The following RRP9 variants were observed in gnomAD, a reference collection of about 807,000 sequenced individuals.
RRP9 encodes the protein ribosomal RNA processing 9, U3 small nucleolar RNA binding protein.
In RRP9, 35 loss-of-function variants were observed where a neutral mutation model predicts 65.5. The observed-to-expected ratio is 0.53, with a 90% CI of 0.41 to 0.71. The LOEUF is 0.71. RRP9 is among the 30% of genes least tolerant of loss of function. RRP9 has a pLI of 0.00. For missense variants in RRP9, 533 were observed against 633.6 expected (o/e 0.84, Z 1.70); for synonymous variants, 254 against 245.0 (o/e 1.04, Z -0.34).
chr3:51,937,063 AGG>A lies in RRP9; in HGVS notation c.517+127_517+128del. On this transcript the variant is annotated intron_variant, in intron 6 of 14. Coordinates refer to ENST00000232888, the MANE Select transcript of RRP9 (RefSeq NM_004704.5). The surrounding 1 kb of genome is among the most constrained non-coding windows in gnomAD (Gnocchi z 5.0). ...TCACTGTCACCCAGAGAGCACTCCT[AGG>A]GCAGCAAACCTGCCTCCAGAGACTT... 8.5e-7 allele frequency: 1 copy of A among 1,176,382 alleles called. No homozygotes were observed. The highest frequency in any genetic ancestry group is 1.2e-6 in the Non-Finnish European group (1 of 820,252). 72.9% of individuals were successfully genotyped at this position (1,176,382 alleles called of 1,614,324 possible). A position where few individuals can be genotyped will look rare whatever the true frequency, so the allele number is the denominator to read the frequency against.
At position 51,937,429 on chromosome 3, in the gene RRP9, C is replaced by A. The variant is rs1431747774; in HGVS notation, c.391-111G>T. The A allele has an allele frequency of 1.2e-6, 2 of 1,605,608 alleles. No individual in the cohort carries two copies. The highest frequency in any genetic ancestry group is 8.5e-7 in the Non-Finnish European group (1 of 1,173,436). ...CACCCAGGCCAGAAGGAAAACAAGA[C>A]CCAAGGCTACAACAACCAGATCCTT... On this transcript the variant is annotated intron_variant, in intron 5 of 14. Transcript: ENST00000232888. The surrounding 1 kb of genome is among the most constrained non-coding windows in gnomAD (Gnocchi z 5.0).
At position 51,937,204 on chromosome 3, in the gene RRP9, T is replaced by C. The variant is rs1699468539; in HGVS notation, c.505A>G (p.Ser169Gly). 1.9e-6 allele frequency: 3 copies of C among 1,613,440 alleles called. No individual in the cohort carries two copies. The highest frequency in any genetic ancestry group is 2.2e-5 in the South Asian group (2 of 91,052). Reference sequence around the variant, plus strand: ...GGCACTCACTCACACTTAATGATGCTGCAGTCTTTGGCAGCAGAGAAGATG... The same window carrying C: ...GGCACTCACTCACACTTAATGATGCCGCAGTCTTTGGCAGCAGAGAAGATG... ...SAIFSAAKDC[S>G]IIKWSVESGR... Residue 169 changes from serine to glycine, a missense_variant, in exon 6 of 15, where the codon AGC (serine) becomes GGC (glycine). Ser to Gly is a moderately conservative substitution (Grantham distance 56). This residue lies in a region of RRP9 where 449 missense variants were observed against 550.6 expected (regional missense o/e 0.82). Transcript: ENST00000232888. This position sits in a 1 kb window ranked among gnomAD's most constrained non-coding sequence, Gnocchi z 5.0.
intron 2 of RRP9, 124 bp from the exon 3 acceptor site, chr3:51,938,328 G>T: frequency 1.4e-6 from 1 of 698,102 alleles, no homozygotes; most frequent in South Asian, 1.7e-5. Flanking sequence ...CACATGGTCG[G>T]TGACTACACT....
At chr3:51,935,320 C>T in intron 10 of RRP9, 22 bp downstream of exon 10, 1 of 1,614,150 alleles carries the variant, frequency 6.2e-7, no homozygotes, top group Non-Finnish European at 8.5e-7. Flanking sequence ...GTAGCCCCCA[C>T]TGGCATGGCA....
In RRP9 at chr3:51,935,448, G is replaced by A; in HGVS notation, c.865C>T (p.Leu289=). The stretch of plus-strand genomic sequence containing the variant: ...CAGCACTCCCGGCTCAAGGCATCCA[G>A]TGCAGCCACAGCGTCCTGGTGTCCG... ...LFGHQDAVAA[L]DALSRECCVT... Residue 289 remains leucine, a synonymous_variant, in exon 10 of 15, where the codon CTG becomes TTG. Transcript: ENST00000232888. 6.2e-7 allele frequency: 1 copy of A among 1,614,184 alleles called. No homozygotes were observed. Among genetic ancestry groups the A allele is most frequent in the East Asian group, 2.2e-5 (1 of 44,874 alleles).
chr3:51,940,983 A>G (rs1699516066), intron 2 of RRP9, among the ~76,000 whole-genome samples: 1 of 152,046 alleles, frequency 6.6e-6, no homozygotes, highest in Admixed American at 6.6e-5. Flanking sequence ...TACACACCTC[A>G]CTACAACACA....
In RRP9 at chr3:51,934,599, G is replaced by C; in HGVS notation, c.1180+32C>G. ...CAACCCCTGCACCGGCCCACCCGGC[G>C]ACCCCTCCTCCCTGCCTCTCAGGGC... On this transcript the variant is annotated intron_variant, in intron 12 of 14. Coordinates refer to ENST00000232888, the MANE Select transcript of RRP9 (RefSeq NM_004704.5). The surrounding 1 kb of genome is among the most constrained non-coding windows in gnomAD (Gnocchi z 4.1). 3 of 1,613,656 alleles carry C rather than the reference G, an allele frequency of 1.9e-6. No individual in the cohort carries two copies. The South Asian group carries it at 3.3e-5, about 18-fold the overall frequency.
intron 8 of RRP9, among the ~76,000 whole-genome samples, chr3:51,936,045 C>T (rs1224545866): frequency 6.6e-6 from 1 of 152,140 alleles, no homozygotes; most frequent in African/African-American, 2.4e-5. Context: ...CTTCTCAAGG[C>T]CCTCGTTGAT....
intron 1 of RRP9, 44 bp downstream of exon 1, chr3:51,941,737 C>T: frequency 6.7e-7 from 1 of 1,494,552 alleles, no homozygotes; most frequent in Non-Finnish European, 9.0e-7. Flanking sequence ...GACGGTTGTC[C>T]CAGTAGCAGG....
intron 2 of RRP9, 21 bp from the exon 3 acceptor site, chr3:51,938,225 G>A: frequency 6.6e-7 from 1 of 1,520,356 alleles, no homozygotes; most frequent in Middle Eastern, 1.7e-4. Flanking sequence ...GAAGGGGCTG[G>A]GTCTGAGGGG....
chr3:51,935,784 C>T, intron 8 of RRP9, 92 bp from the exon 9 acceptor site: 1 of 1,065,420 alleles, frequency 9.4e-7, no homozygotes, highest in Non-Finnish European at 1.4e-6. Flanking sequence ...AAAAGCAAGC[C>T]ATGTGGCACG....
chr3:51,935,786 T>C (rs1458857671), intron 8 of RRP9, 94 bp from the exon 9 acceptor site: 8 of 1,021,422 alleles, frequency 7.8e-6, no homozygotes, highest in Admixed American at 7.3e-5. Context: ...AAGCAAGCCA[T>C]GTGGCACGTG....
At position 51,933,460 on chromosome 3, in the gene RRP9, G is replaced by C. The variant is rs369823215; in HGVS notation, c.*46C>G. The stretch of plus-strand genomic sequence containing the variant: ...AAGAGGAGGCTTTTAATACAAAGAG[G>C]GTGGGGCATAGCCTGGGAAGGACTT... On this transcript the variant is annotated 3_prime_UTR_variant, in exon 15 of 15. Transcript: ENST00000232888. 27 of 1,497,016 alleles carry C rather than the reference G, an allele frequency of 1.8e-5. No individual in the cohort carries two copies. Among genetic ancestry groups the C allele is most frequent in the African/African-American group, 2.8e-5 (2 of 72,390 alleles). 92.7% of individuals were successfully genotyped at this position (1,497,016 alleles called of 1,614,324 possible). A position where few individuals can be genotyped will look rare whatever the true frequency, so the allele number is the denominator to read the frequency against.
At chr3:51,936,182 C>T in intron 8 of RRP9, 75 bp downstream of exon 8, 1 of 1,410,022 alleles carries the variant, frequency 7.1e-7, no homozygotes, top group South Asian at 1.2e-5. Flanking sequence ...GACAGAGACT[C>T]CAGAGGCCAG....
chr3:51,934,657 A>G lies in RRP9; in HGVS notation c.1154T>C (p.Leu385Pro), dbSNP rs1388235903. 2 of 1,613,894 alleles carry G rather than the reference A, an allele frequency of 1.2e-6. No homozygotes were observed. The highest frequency in any genetic ancestry group is 3.3e-5 in the Admixed American group (2 of 60,006). The change falls in exon 12 of 15, where the codon CTC (leucine) becomes CCC (proline). Residue 385 changes from leucine (L) to proline (P), a missense_variant. Physicochemically the swap from Leu to Pro is moderately conservative, Grantham distance 98. Transcript: ENST00000232888. This position sits in a 1 kb window ranked among gnomAD's most constrained non-coding sequence, Gnocchi z 4.1. ...TGTGGCCACAAGGTCTGTGTTGAGG[A>G]GGGCTGCCACCGACGATATCCAGAA... ...QPFWISSVAA[L>P]LNTDLVATGS...
chr3:51,935,740 CGA>C (rs756438051), intron 8 of RRP9, 48 bp from the exon 9 acceptor site: 2 of 1,503,866 alleles, frequency 1.3e-6, no homozygotes, highest in South Asian at 1.1e-5. Flanking sequence ...CTACAGCAGG[CGA>C]GAGACAGGTC....
chr3:51,937,311 G>T lies in RRP9; in HGVS notation c.398C>A (p.Ala133Asp). The T allele has an allele frequency of 6.2e-7, 1 of 1,614,094 alleles. No individual in the cohort carries two copies. The highest frequency in any genetic ancestry group is 1.7e-4 in the Middle Eastern group (1 of 6,040). The change falls in exon 6 of 15, where the codon GCC (alanine) becomes GAC (aspartate). Residue 133 changes from alanine to aspartate, a missense_variant. Ala to Asp is a moderately radical substitution (Grantham distance 126, BLOSUM62 -2). Transcript: ENST00000232888. The surrounding 1 kb of genome is among the most constrained non-coding windows in gnomAD (Gnocchi z 5.0). ...AACGCGAATGTCAGCTGAGGCTGGG[G>T]CCTGGATCTGGGCAGACAGGGGCCA... is the stretch of plus-strand genomic sequence containing the variant. Reference protein sequence around the residue: ...LQKLVAKEIQAPASADIRVLR... With the variant: ...LQKLVAKEIQDPASADIRVLR...
In RRP9 at chr3:51,933,580, T is replaced by C. The variant is rs1699415266; in HGVS notation, c.1354A>G (p.Ile452Val). 2 of 1,613,984 alleles carry C rather than the reference T, an allele frequency of 1.2e-6. No homozygotes were observed. Among genetic ancestry groups the C allele is most frequent in the Admixed American group, 1.7e-5 (1 of 59,994 alleles). The change falls in exon 15 of 15, where the codon ATC becomes GTC. Residue 452 changes from isoleucine to valine, a missense_variant. Coordinates refer to ENST00000232888, the MANE Select transcript of RRP9 (RefSeq NM_004704.5). Reference sequence around the variant, plus strand: ...CAGACAGAATTCCGAGCCTCTTTGATTCTCCACCATCGGCCAAGCCTGCAG... The same window carrying C: ...CAGACAGAATTCCGAGCCTCTTTGACTCTCCACCATCGGCCAAGCCTGCAG... ...QEHRLGRWWRIKEARNSVCII... is the reference protein window; with the variant it reads ...QEHRLGRWWRVKEARNSVCII...
chr3:51,937,437 TACA>T lies in RRP9; in HGVS notation c.390+105_390+107del. 1 of 1,605,742 alleles carries T rather than the reference TACA, an allele frequency of 6.2e-7. No individual in the cohort carries two copies. Among genetic ancestry groups the T allele is most frequent in the Non-Finnish European group, 8.5e-7 (1 of 1,173,212 alleles). Reference sequence around the variant, plus strand: ...CCAGAAGGAAAACAAGACCCAAGGCTACAACAACCAGATCCTTACCTGACCAGA... The same window carrying T: ...CCAGAAGGAAAACAAGACCCAAGGCTACAACCAGATCCTTACCTGACCAGA... On this transcript the variant is annotated intron_variant, in intron 5 of 14. Transcript: ENST00000232888. The surrounding 1 kb of genome is among the most constrained non-coding windows in gnomAD (Gnocchi z 5.0).
Sources: gnomAD v4.1 joint callset for allele counts (sites outside exome capture counted in the v4.1 genomes callset) on GRCh38, gnomAD v4.1.1 for gene constraint, gnomAD v4.1.1 regional missense constraint, Gnocchi (gnomAD v3.1) non-coding constraint, MANE v1.5 for transcripts, NCBI Gene and HGNC (gene_info 2026-07-23, HGNC 2026-07-21) for gene names.